The following MAPK9 variants were observed in gnomAD, a reference collection of about 807,000 sequenced individuals.
MAPK9 encodes mitogen-activated protein kinase 9.
In MAPK9, 30 loss-of-function variants were observed where a neutral mutation model predicts 57.1. The observed-to-expected ratio is 0.53, with a 90% CI of 0.39 to 0.71. MAPK9 has a LOEUF of 0.71. Among genes scored for constraint, MAPK9 ranks in the 30% least tolerant of loss-of-function variants. MAPK9 has a pLI of 0.00. For synonymous variants in MAPK9, 155 were observed against 177.0 expected (o/e 0.88, Z 0.99); for missense variants, 362 against 521.0 (o/e 0.69, Z 2.97).
chr5:180,285,164 C>G (rs1351256290), intron 1 of MAPK9, among the ~76,000 whole-genome samples: 1 of 152,146 alleles, frequency 6.6e-6, no homozygotes, highest in East Asian at 1.9e-4. Context: ...TTTATCAACA[C>G]CCTTATAACA....
intron 2 of MAPK9, among the ~76,000 whole-genome samples, chr5:180,275,486 C>G (rs1290994085): frequency 6.6e-6 from 1 of 152,192 alleles, no homozygotes; most frequent in Non-Finnish European, 1.5e-5. Context: ...TCATCCCTGT[C>G]TCCTAGCCAC....
chr5:180,244,766 T>A (rs528873286), intron 7 of MAPK9, among the ~76,000 whole-genome samples: 15 of 129,508 alleles, frequency 1.2e-4, no homozygotes, highest in Middle Eastern at 4.3e-3. Context: ...GGAGTGAGAC[T>A]CTGTCTCAAA....
intron 2 of MAPK9, among the ~76,000 whole-genome samples, chr5:180,279,629 G>A (rs1248137675): frequency 6.6e-6 from 1 of 151,858 alleles, no homozygotes; most frequent in Non-Finnish European, 1.5e-5. Flanking sequence ...AACACGCGAT[G>A]TTTAACTGCA....
In MAPK9 at chr5:180,236,430, T is replaced by C. The variant is rs1331412257; in HGVS notation, c.1229A>G (p.Asp410Gly). The change falls in exon 12 of 12, where the codon GAC (aspartate) becomes GGC (glycine). Residue 410 changes from aspartate (D) to glycine (G), a missense_variant. Asp to Gly is a moderately conservative substitution (Grantham distance 94, BLOSUM62 -1). Transcript: ENST00000452135. ...STEQTLASDT[D>G]SSLDASTGPL... The stretch of plus-strand genomic sequence containing the variant: ...TCCCGTCGAGGCATCAAGACTGCTG[T>C]CTGTGTCTGAGGCCAGCGTCTGCTC... The C allele has an allele frequency of 1.9e-6, 3 of 1,613,846 alleles. No individual in the cohort carries two copies. Among genetic ancestry groups the C allele is most frequent in the Admixed American group, 3.3e-5 (2 of 59,998 alleles).
Position 180,241,073 on chromosome 5 carries a change from G to A in MAPK9, c.954C>T (p.His318=). The change falls in exon 9 of 12, where the codon CAC becomes CAT. Residue 318 remains histidine, a synonymous_variant. Coordinates refer to ENST00000452135, the MANE Select transcript of MAPK9 (RefSeq NM_002752.5). ...GGTCATACCAAACAGTGATGTATGG[G>A]TGACGCAGAGCTTCGTCTACAGAGA... ...KRISVDEALR[H]PYITVWYDPA... is the part of the protein sequence containing the mutation. The A allele has an allele frequency of 6.2e-7, 1 of 1,614,056 alleles. No homozygotes were observed. The highest frequency in any genetic ancestry group is 2.2e-5 in the East Asian group (1 of 44,868).
At chr5:180,241,983 T>TTA (rs1757707928) in intron 8 of MAPK9, among the ~76,000 whole-genome samples, 1 of 152,194 alleles carries the variant, frequency 6.6e-6, no homozygotes, top group Admixed American at 6.5e-5. Context: ...TGCTGGCAAC[T>TTA]TACACTTTTT....
chr5:180,249,238 A>G, intron 5 of MAPK9, 100 bp from the exon 6 acceptor site: 1 of 1,087,156 alleles, frequency 9.2e-7, no homozygotes. Flanking sequence ...GAGTGTAGGG[A>G]GTGAACTGAA....
intron 2 of MAPK9, among the ~76,000 whole-genome samples, chr5:180,274,092 C>T (rs988165371): frequency 7.9e-5 from 12 of 152,122 alleles, no homozygotes; most frequent in South Asian, 4.1e-4. Flanking sequence ...CATCCCACCA[C>T]GATTTCAGTT....
At chr5:180,278,081 T>C (rs1936074618) in intron 2 of MAPK9, among the ~76,000 whole-genome samples, 1 of 152,224 alleles carries the variant, frequency 6.6e-6, no homozygotes, top group African/African-American at 2.4e-5. Flanking sequence ...TGAATATTTG[T>C]TCATTATTAC....
chr5:180,278,187 A>C (rs1376383807), intron 2 of MAPK9, among the ~76,000 whole-genome samples: 1 of 152,232 alleles, frequency 6.6e-6, no homozygotes, highest in Non-Finnish European at 1.5e-5. Context: ...ACAGGCAATA[A>C]GGTCCCAAAG....
intron 9 of MAPK9, 50 bp from the exon 10 acceptor site, chr5:180,240,037 T>C (rs1379695701): frequency 2.8e-6 from 4 of 1,434,184 alleles, no homozygotes; most frequent in Non-Finnish European, 3.9e-6. Flanking sequence ...CAAAAAAAAA[T>C]GAGGCACTAA....
At chr5:180,253,572 T>A (rs1581206492) in intron 5 of MAPK9, 1 of 152,244 alleles carries the variant, frequency 6.6e-6, no homozygotes. Flanking sequence ...CCCATCTCCA[T>A]CCCAGAAGTG....
chr5:180,285,367 C>T (rs895948608), intron 1 of MAPK9, among the ~76,000 whole-genome samples: 4 of 152,192 alleles, frequency 2.6e-5, no homozygotes, highest in Admixed American at 6.5e-5. Context: ...GCTATTTGCA[C>T]ATGGGCTGGC....
In MAPK9 at chr5:180,252,085, C is replaced by T. The variant is rs142634255; in HGVS notation, c.451-2947G>A. 2.0e-3 allele frequency among the ~76,000 whole-genome samples: 308 copies of T among 152,200 alleles called. 1 individual carries two copies. The highest frequency in any genetic ancestry group is 0.01 in the Middle Eastern group (3 of 294). On this transcript the variant is annotated intron_variant, in intron 5 of 11. Transcript: ENST00000452135. ...TCAGGGCTCCTCCACTTGCAGGGTTCGTGGGGTCAGGGGTCAGGGGTCAGG... is the reference window on the plus strand; with the variant it reads ...TCAGGGCTCCTCCACTTGCAGGGTTTGTGGGGTCAGGGGTCAGGGGTCAGG...
At chr5:180,241,524 C>A (rs1339861640) in intron 8 of MAPK9, among the ~76,000 whole-genome samples, 1 of 152,210 alleles carries the variant, frequency 6.6e-6, no homozygotes, top group African/African-American at 2.4e-5. Context: ...TGGTCTCGAT[C>A]TCTTGACCTC....
chr5:180,291,621 C>A (rs1305699619), intron 1 of MAPK9, among the ~76,000 whole-genome samples: 1 of 151,954 alleles, frequency 6.6e-6, no homozygotes, highest in African/African-American at 2.4e-5. Flanking sequence ...ACGGGCAGGT[C>A]GGCCGGGCCA....
intron 2 of MAPK9, among the ~76,000 whole-genome samples, chr5:180,279,215 C>G (rs1762096642): frequency 6.6e-6 from 1 of 152,152 alleles, no homozygotes; most frequent in Non-Finnish European, 1.5e-5. Flanking sequence ...CTTGGCCTCC[C>G]AAAGTGCTGG....
At chr5:180,246,129 A>C (rs1758073371) in intron 7 of MAPK9, 1 of 152,214 alleles carries the variant, frequency 6.6e-6, no homozygotes, top group Non-Finnish European at 1.5e-5. Flanking sequence ...TAAAACAAGG[A>C]ATGGCACAAA....
chr5:180,247,360 A>G lies in MAPK9; in HGVS notation c.688+79T>C, dbSNP rs1758215687. The G allele has an allele frequency of 6.5e-7, 1 of 1,545,470 alleles. No individual in the cohort carries two copies. The highest frequency in any genetic ancestry group is 1.4e-5 in the African/African-American group (1 of 73,652). ...TGGATTTTACGACTTTGTCCTCGTG[A>G]GCGCTCGTGTAAGCAGGTGGTCATG... On this transcript the variant is annotated intron_variant, in intron 7 of 11. Coordinates refer to ENST00000452135, the MANE Select transcript of MAPK9 (RefSeq NM_002752.5). The surrounding 1 kb of genome is among the most constrained non-coding windows in gnomAD (Gnocchi z 4.5).
Sources: allele counts gnomAD v4.1 joint callset (sites outside exome capture counted in the v4.1 genomes callset), GRCh38; gene constraint gnomAD v4.1.1; non-coding constraint Gnocchi (gnomAD v3.1); transcripts MANE v1.5; gene names NCBI Gene and HGNC (gene_info 2026-07-23, HGNC 2026-07-21).